SLC26A7: variants seen among roughly 807,000 people sequenced by gnomAD.
SLC26A7 encodes the protein solute carrier family 26 member 7, also known as anion exchange transporter.
A neutral mutation model predicts 82.5 loss-of-function variants in SLC26A7; 59 were observed. That is an observed-to-expected ratio of 0.72 (90% CI 0.58 to 0.89). The LOEUF is 0.89. SLC26A7 is among the 40% of genes least tolerant of loss of function. SLC26A7 has a pLI of 0.00. For missense variants in SLC26A7, 820 were observed against 793.0 expected (o/e 1.03, Z -0.41); for synonymous variants, 271 against 274.3 (o/e 0.99, Z 0.12).
At chr8:91,362,107 A>C (rs1814066166) in intron 11 of SLC26A7, among the ~76,000 whole-genome samples, 1 of 152,088 alleles carries the variant, frequency 6.6e-6, no homozygotes. Context: ...TGGGGATTGA[A>C]CTAAGGGTTG....
At chr8:91,287,450 A>T (rs1586365552) in intron 2 of SLC26A7, among the ~76,000 whole-genome samples, 1 of 152,202 alleles carries the variant, frequency 6.6e-6, no homozygotes, top group African/African-American at 2.4e-5. Flanking sequence ...GCCTGTTGCA[A>T]GCAGAGCAGC....
intron 12 of SLC26A7, among the ~76,000 whole-genome samples, chr8:91,363,074 CTA>C (rs1211002628): frequency 1.3e-5 from 2 of 151,996 alleles, no homozygotes; most frequent in Non-Finnish European, 2.9e-5. Flanking sequence ...TGTTTTATCT[CTA>C]TAGAGTCTTT....
chr8:91,385,127 T>TAAACA (rs1814766251), intron 15 of SLC26A7, among the ~76,000 whole-genome samples: 1 of 152,168 alleles, frequency 6.6e-6, no homozygotes, highest in African/African-American at 2.4e-5. Flanking sequence ...ATGGTTAATT[T>TAAACA]CTTTCTGAAA....
chr8:91,330,519 A>G (rs1813051358), intron 5 of SLC26A7, among the ~76,000 whole-genome samples: 1 of 152,186 alleles, frequency 6.6e-6, no homozygotes, highest in Admixed American at 6.6e-5. Context: ...AAGGACAAAG[A>G]ACACAAAAAG....
At chr8:91,351,660 G>A (rs1813718900) in intron 9 of SLC26A7, 150 bp from the exon 10 acceptor site, 8 of 584,884 alleles carry the variant, frequency 1.4e-5, no homozygotes, top group African/African-American at 1.9e-5. Context: ...TATAGATAAT[G>A]ACAGTCTAAG....
chr8:91,224,610 A>G (rs1285743368), intron 2 of SLC26A7, among the ~76,000 whole-genome samples: 1 of 152,202 alleles, frequency 6.6e-6, no homozygotes, highest in Non-Finnish European at 1.5e-5. Context: ...TGATGCCAGT[A>G]GGATTGCTCC....
At chr8:91,364,852 GAAT>G (rs1814147153) in intron 13 of SLC26A7, among the ~76,000 whole-genome samples, 1 of 152,114 alleles carries the variant, frequency 6.6e-6, no homozygotes, top group Non-Finnish European at 1.5e-5. Flanking sequence ...TCACTGACCT[GAAT>G]AATAACTGTT....
intron 5 of SLC26A7, among the ~76,000 whole-genome samples, chr8:91,326,974 AT>A (rs1326298018): frequency 6.6e-6 from 1 of 151,988 alleles, no homozygotes. Flanking sequence ...GATACTGATC[AT>A]GGGATTTAGG....
intron 2 of SLC26A7, among the ~76,000 whole-genome samples, chr8:91,236,219 C>A (rs1204842563): frequency 6.6e-6 from 1 of 152,068 alleles, no homozygotes; most frequent in Non-Finnish European, 1.5e-5. Flanking sequence ...AAACCTCTAA[C>A]CTAAATAGAA....
chr8:91,279,125 G>GTGTGTGTGTATATA (rs1382744780), intron 2 of SLC26A7, among the ~76,000 whole-genome samples: 1 of 111,262 alleles, frequency 9.0e-6, no homozygotes, highest in African/African-American at 3.5e-5. Context: ...GTGTGTGTGT[G>GTGTGTGTGTATATA]TATATATATA....
chr8:91,263,818 A>C (rs536262932), intron 2 of SLC26A7, among the ~76,000 whole-genome samples: 1 of 151,938 alleles, frequency 6.6e-6, no homozygotes. Context: ...TTCATGTTAA[A>C]CTCTGAGATC....
intron 2 of SLC26A7, among the ~76,000 whole-genome samples, chr8:91,226,287 A>C (rs1330516795): frequency 4.6e-5 from 7 of 152,218 alleles, no homozygotes; most frequent in Non-Finnish European, 1.0e-4. Context: ...AGTCCTGAAA[A>C]TAACCTAGAC....
At chr8:91,239,504 A>G (rs1810446028) in intron 2 of SLC26A7, among the ~76,000 whole-genome samples, 1 of 151,152 alleles carries the variant, frequency 6.6e-6, no homozygotes, top group Non-Finnish European at 1.5e-5. Context: ...ACATATATAT[A>G]CACATATATA....
chr8:91,279,088 A>C (rs1811483932), intron 2 of SLC26A7, among the ~76,000 whole-genome samples: 1 of 142,442 alleles, frequency 7.0e-6, no homozygotes, highest in African/African-American at 2.6e-5. Context: ...CCCTTATTTT[A>C]AGGCTGAACA....
intron 2 of SLC26A7, among the ~76,000 whole-genome samples, chr8:91,227,578 C>T (rs1167854340): frequency 6.6e-6 from 1 of 152,154 alleles, no homozygotes; most frequent in East Asian, 1.9e-4. Flanking sequence ...ATATTACGAA[C>T]AACTTTTCAC....
intron 2 of SLC26A7, among the ~76,000 whole-genome samples, chr8:91,250,408 C>T (rs1225492291): frequency 6.6e-6 from 1 of 152,118 alleles, no homozygotes; most frequent in Non-Finnish European, 1.5e-5. Context: ...TTACCTACTA[C>T]ATCTATTTCT....
intron 9 of SLC26A7, among the ~76,000 whole-genome samples, chr8:91,349,309 C>T (rs1415682618): frequency 6.6e-6 from 1 of 152,116 alleles, no homozygotes; most frequent in Non-Finnish European, 1.5e-5. Flanking sequence ...CTTTTTCACC[C>T]ACAGTTTGTC....
chr8:91,357,375 C>T (rs942165074), intron 11 of SLC26A7: 1 of 152,138 alleles, frequency 6.6e-6, no homozygotes. Context: ...CATGTTCTGG[C>T]TTCATTGATG....
chr8:91,352,529 A>G (rs1482241490), intron 10 of SLC26A7, among the ~76,000 whole-genome samples: 1 of 152,170 alleles, frequency 6.6e-6, no homozygotes, highest in Non-Finnish European at 1.5e-5. Flanking sequence ...AGGCAATTAT[A>G]AGAAAATATA....
Sources: gnomAD v4.1 joint callset for allele counts (sites outside exome capture counted in the v4.1 genomes callset) on GRCh38, gnomAD v4.1.1 for gene constraint, MANE v1.5 for transcripts, NCBI Gene and HGNC (gene_info 2026-07-23, HGNC 2026-07-21) for gene names.